TOMM70: variants seen among roughly 807,000 people sequenced by gnomAD.
TOMM70 encodes translocase of outer mitochondrial membrane 70, also known as mitochondrial import receptor subunit TOM70.
TOMM70 carries 13 observed loss-of-function variants against 73.6 expected under a neutral mutation model. The ratio of observed to expected loss-of-function variants is 0.18; its 90% CI spans 0.11 to 0.28. The LOEUF (loss-of-function observed/expected upper bound fraction) is 0.28. Among genes scored for constraint, TOMM70 ranks in the 10% least tolerant of loss-of-function variants. The pLI, the probability that TOMM70 is intolerant of heterozygous loss-of-function variation, is 1.00. For missense variants in TOMM70, 609 were observed against 747.5 expected (o/e 0.81, Z 2.16); for synonymous variants, 257 against 271.2 (o/e 0.95, Z 0.51).
intron 1 of TOMM70, among the ~76,000 whole-genome samples, chr3:100,387,642 A>AC (rs1213080091): frequency 2.9e-5 from 1 of 34,146 alleles, no homozygotes; most frequent in Admixed American, 4.1e-4. Context: ...ACACGTATAT[A>AC]CTTTTTTTTT....
At chr3:100,393,613 A>C (rs1706788616) in intron 1 of TOMM70, among the ~76,000 whole-genome samples, 1 of 152,100 alleles carries the variant, frequency 6.6e-6, no homozygotes, top group Non-Finnish European at 1.5e-5. Context: ...AAAATAATAA[A>C]TATATCTTTT....
At chr3:100,368,286 G>T in intron 10 of TOMM70, 120 bp from the exon 11 acceptor site, 1 of 1,211,850 alleles carries the variant, frequency 8.3e-7, no homozygotes, top group Non-Finnish European at 1.1e-6. Context: ...TAACTTATAA[G>T]GCAATATATA....
chr3:100,398,591 C>T (rs1045085051), intron 1 of TOMM70, among the ~76,000 whole-genome samples: 1 of 151,970 alleles, frequency 6.6e-6, no homozygotes, highest in Non-Finnish European at 1.5e-5. Context: ...TTCAAATAAT[C>T]CTCTTGATAA....
In TOMM70 at chr3:100,400,864, G is replaced by A; in HGVS notation, c.86C>T (p.Ala29Val). 6.6e-7 allele frequency: 1 copy of A among 1,526,324 alleles called. No homozygotes were observed. Among genetic ancestry groups the A allele is most frequent in the South Asian group, 1.2e-5 (1 of 83,606 alleles). 94.5% of individuals were successfully genotyped at this position (1,526,324 alleles called of 1,614,324 possible). Reference sequence around the variant, plus strand: ...CGGCAGCCCCCCCGTGCCCGGGCCCGCAGTCCCGCCGCCGCCCACCCCACT... The same window carrying A: ...CGGCAGCCCCCCCGTGCCCGGGCCCACAGTCCCGCCGCCGCCCACCCCACT... The part of the protein sequence containing the change: ...SGSGVGGGGT[A>V]GPGTGGLPRW... Residue 29 changes from alanine to valine, a missense_variant, in exon 1 of 12, where the codon GCG becomes GTG. This residue lies in a region of TOMM70 where 177 missense variants were observed against 163.5 expected (regional missense o/e 1.08). Coordinates refer to ENST00000284320, the MANE Select transcript of TOMM70 (RefSeq NM_014820.5).
intron 11 of TOMM70, among the ~76,000 whole-genome samples, chr3:100,366,946 G>A (rs886750829): frequency 6.6e-5 from 10 of 152,228 alleles, no homozygotes; most frequent in Non-Finnish European, 1.0e-4. Context: ...TAGGCTGGGT[G>A]CAGTGGCTCA....
At position 100,386,907 on chromosome 3, in the gene TOMM70, T is replaced by C. The variant is rs777295806; in HGVS notation, c.396A>G (p.Gln132=). The change falls in exon 2 of 12, where the codon CAA becomes CAG. Residue 132 remains glutamine (Q), a synonymous_variant. Transcript: ENST00000284320. ...NKYFKAGKYE[Q]AIQCYTEAIS... is the part of the protein sequence containing the mutation. Reference sequence around the variant, plus strand: ...TAGCCTCAGTATAGCACTGAATAGCTTGTTCATATTTTCCTGCTTTAAAAT... The same window carrying C: ...TAGCCTCAGTATAGCACTGAATAGCCTGTTCATATTTTCCTGCTTTAAAAT... 2.6e-5 allele frequency: 42 copies of C among 1,614,140 alleles called. No individual in the cohort carries two copies. In the South Asian group the frequency reaches 4.5e-4, roughly 17 times the overall value.
In TOMM70 at chr3:100,400,900, G is replaced by A; in HGVS notation, c.50C>T (p.Pro17Leu). Residue 17 changes from proline (P) to leucine (L), a missense_variant, in exon 1 of 12, where the codon CCG becomes CTG. This residue lies in a region of TOMM70 where 177 missense variants were observed against 163.5 expected (regional missense o/e 1.08). Coordinates refer to ENST00000284320, the MANE Select transcript of TOMM70 (RefSeq NM_014820.5). Reference protein sequence around the residue: ...VEAAVVAAAVPSSGSGVGGGG... With the variant: ...VEAAVVAAAVLSSGSGVGGGG... ...GCCGCCCACCCCACTCCCGGAGCTC[G>A]GTACAGCGGCTGCGACCACCGCTGC... The A allele has an allele frequency of 1.3e-6, 2 of 1,527,258 alleles. No homozygotes were observed. Among genetic ancestry groups the A allele is most frequent in the Non-Finnish European group, 1.7e-6 (2 of 1,144,240 alleles). 94.6% of individuals were successfully genotyped at this position (1,527,258 alleles called of 1,614,324 possible). A position where few individuals can be genotyped will look rare whatever the true frequency, so the allele number is the denominator to read the frequency against.
chr3:100,376,948 ATAT>A (rs1255488220), intron 6 of TOMM70, among the ~76,000 whole-genome samples: 2 of 152,200 alleles, frequency 1.3e-5, no homozygotes, highest in African/African-American at 2.4e-5. Flanking sequence ...ATTAAAGATA[ATAT>A]TATGAGGGTA....
At chr3:100,398,778 A>C (rs1279714906) in intron 1 of TOMM70, among the ~76,000 whole-genome samples, 103 of 152,344 alleles carry the variant, frequency 6.8e-4, no homozygotes, top group Middle Eastern at 3.4e-3. Flanking sequence ...AGAGCCCACT[A>C]TAAAGCTTAC....
intron 5 of TOMM70, among the ~76,000 whole-genome samples, chr3:100,380,034 T>G (rs1175541932): frequency 6.6e-6 from 1 of 152,182 alleles, no homozygotes; most frequent in Non-Finnish European, 1.5e-5. Flanking sequence ...GTTTTGTTTC[T>G]CAGGTCACCA....
intron 1 of TOMM70, among the ~76,000 whole-genome samples, chr3:100,400,384 C>G (rs1202133652): frequency 6.6e-6 from 1 of 152,208 alleles, no homozygotes; most frequent in Admixed American, 6.5e-5. Flanking sequence ...TGCTGTGTCA[C>G]TGAGAAGAAA....
intron 9 of TOMM70, among the ~76,000 whole-genome samples, chr3:100,371,206 C>CA (rs1361824597): frequency 2.0e-5 from 3 of 147,248 alleles, no homozygotes; most frequent in Non-Finnish European, 4.5e-5. Flanking sequence ...AAATTAAAAA[C>CA]AAAATAAGCA....
intron 1 of TOMM70, among the ~76,000 whole-genome samples, chr3:100,388,165 T>A (rs1416029800): frequency 1.3e-5 from 2 of 152,204 alleles, no homozygotes; most frequent in African/African-American, 2.4e-5. Context: ...CAAGGATACA[T>A]ATGTTTCAGG....
chr3:100,364,288 C>T lies in TOMM70; in HGVS notation c.*1276G>A, dbSNP rs1576207729. On this transcript the variant is annotated 3_prime_UTR_variant, in exon 12 of 12. Coordinates refer to ENST00000284320, the MANE Select transcript of TOMM70 (RefSeq NM_014820.5). ...CTTAGAGATCAAGGTTAGCTCACTA[C>T]AAAAAGCACTCTACATGTCCTCAGC... 5 of 152,268 alleles carry T rather than the reference C, an allele frequency of 3.3e-5. 1 individual carries two copies. The South Asian group carries it at 1.0e-3, about 32-fold the overall frequency. The allele number at this position is 152,268 out of a possible 1,614,324, so 9.4% of individuals were successfully genotyped here. A position where few individuals can be genotyped will look rare whatever the true frequency, so the allele number is the denominator to read the frequency against.
chr3:100,388,808 TAAAAATG>T (rs1435990434), intron 1 of TOMM70, among the ~76,000 whole-genome samples: 1 of 152,046 alleles, frequency 6.6e-6, no homozygotes, highest in Non-Finnish European at 1.5e-5. Context: ...TTAGAAATCT[TAAAAATG>T]AAAAAAGATT....
chr3:100,373,405 C>T, intron 8 of TOMM70, 133 bp downstream of exon 8: 1 of 635,616 alleles, frequency 1.6e-6, no homozygotes, highest in Non-Finnish European at 2.6e-6. Context: ...TCAATCAGCA[C>T]CTTTTTTCCT....
intron 3 of TOMM70, among the ~76,000 whole-genome samples, chr3:100,385,376 T>A (rs1413825492): frequency 6.6e-6 from 1 of 152,238 alleles, no homozygotes. Context: ...ACTACCAAAG[T>A]ATGTGCCACC....
At position 100,365,811 on chromosome 3, in the gene TOMM70, A is replaced by G. The variant is rs77490633; in HGVS notation, c.1674-94T>C. 6.4e-5 allele frequency: 89 copies of G among 1,388,584 alleles called. 1 individual carries two copies. The East Asian group carries it at 2.0e-3, about 31-fold the overall frequency. The allele number at this position is 1,388,584 out of a possible 1,614,324, so 86.0% of individuals were successfully genotyped here. A position where few individuals can be genotyped will look rare whatever the true frequency, so the allele number is the denominator to read the frequency against. ...TGATGGTACATGAAGTCTGACCACT[A>G]AGTTTCTTCACAATATTCAATGAAG... On this transcript the variant is annotated intron_variant, in intron 11 of 11. Transcript: ENST00000284320.
At chr3:100,390,924 G>T (rs1706752220) in intron 1 of TOMM70, among the ~76,000 whole-genome samples, 1 of 151,498 alleles carries the variant, frequency 6.6e-6, no homozygotes, top group Non-Finnish European at 1.5e-5. Context: ...TGGATCATGA[G>T]GTCAGGAGAT....
Sources: gnomAD v4.1 joint callset for allele counts (sites outside exome capture counted in the v4.1 genomes callset) on GRCh38, gnomAD v4.1.1 for gene constraint, gnomAD v4.1.1 regional missense constraint, MANE v1.5 for transcripts, NCBI Gene and HGNC (gene_info 2026-07-23, HGNC 2026-07-21) for gene names.